The following POLD3 variants were observed in gnomAD, a reference collection of about 807,000 sequenced individuals.
The protein encoded by POLD3 is DNA polymerase delta 3, accessory subunit, also known as DNA polymerase delta subunit 3.
Under a neutral mutation model 58.2 loss-of-function variants are expected in POLD3, and 19 were observed. The observed-to-expected ratio is 0.33, with a 90% CI of 0.23 to 0.48. The LOEUF (loss-of-function observed/expected upper bound fraction) is 0.48, where lower values mean the gene tolerates loss of function less well. Among genes scored for constraint, POLD3 ranks in the 20% least tolerant of loss-of-function variants. The pLI, the probability that POLD3 is intolerant of heterozygous loss-of-function variation, is 0.99. For missense variants in POLD3, 504 were observed against 545.5 expected (o/e 0.92, Z 0.76); for synonymous variants, 172 against 193.5 (o/e 0.89, Z 0.92).
intron 11 of POLD3, 40 bp from the exon 12 acceptor site, chr11:74,640,524 T>C (rs758250781): frequency 2.0e-6 from 3 of 1,466,466 alleles, no homozygotes; most frequent in Non-Finnish European, 2.7e-6. Context: ...GAGTAAATGA[T>C]TCAGCCCACC....
At chr11:74,635,789 A>G (rs911951972) in intron 10 of POLD3, among the ~76,000 whole-genome samples, 3 of 152,228 alleles carry the variant, frequency 2.0e-5, no homozygotes, top group African/African-American at 7.2e-5. Flanking sequence ...TTTAGGGGCC[A>G]TCCCTGTGTA....
At chr11:74,624,090 T>G (rs2032353690) in intron 7 of POLD3, among the ~76,000 whole-genome samples, 1 of 152,210 alleles carries the variant, frequency 6.6e-6, no homozygotes, top group Admixed American at 6.5e-5. Flanking sequence ...ATGATGCAAT[T>G]TTTAAAACAA....
chr11:74,663,907 A>G (rs2033234879), intron 4 of POLD3, among the ~76,000 whole-genome samples: 1 of 152,192 alleles, frequency 6.6e-6, no homozygotes, highest in African/African-American at 2.4e-5. Context: ...TATCCAGTGT[A>G]TATAAAAAAC....
rs1219860476 is a variant in POLD3, at chr11:74,642,353, A to G, written c.*1587A>G. On this transcript the variant is annotated 3_prime_UTR_variant, in exon 12 of 12. Transcript: ENST00000263681. ...AAAAAGGATGGAGAGAAGGATGGAAAGCCTGGACTTAAACCTTTAGAAAAA... is the reference window on the plus strand; with the variant it reads ...AAAAAGGATGGAGAGAAGGATGGAAGGCCTGGACTTAAACCTTTAGAAAAA... 1.0e-6 allele frequency: 1 copy of G among 985,294 alleles called. No homozygotes were observed. The highest frequency in any genetic ancestry group is 1.7e-5 in the African/African-American group (1 of 57,244). 61.0% of individuals were successfully genotyped at this position (985,294 alleles called of 1,614,324 possible).
Position 74,641,854 on chromosome 11 carries a change from A to G in POLD3, c.*1088A>G, listed in dbSNP as rs1421934506. Reference sequence around the variant, plus strand: ...GCTCCCTAAGAGAGGATGGAGAGGGAGAGACTGAATTGTTAGTAGGTCTAA... The same window carrying G: ...GCTCCCTAAGAGAGGATGGAGAGGGGGAGACTGAATTGTTAGTAGGTCTAA... On this transcript the variant is annotated 3_prime_UTR_variant, in exon 12 of 12. Coordinates refer to ENST00000263681, the MANE Select transcript of POLD3 (RefSeq NM_006591.3). 2 of 985,222 alleles carry G rather than the reference A, an allele frequency of 2.0e-6. No homozygotes were observed. The highest frequency in any genetic ancestry group is 1.2e-4 in the Admixed American group (2 of 16,262). The allele number at this position is 985,222 out of a possible 1,614,324, so 61.0% of individuals were successfully genotyped here.
Position 74,634,699 on chromosome 11 carries a change from A to G in POLD3, c.1119+4A>G, listed in dbSNP as rs931632820. ...GCCTGAACCTCCTTCTGTCAAGGTA[A>G]AATTATACTGGGATTCTTGCATGTC... On this transcript the variant is annotated splice_donor_region_variant and intron_variant, in intron 10 of 11. Transcript: ENST00000263681. 6.6e-7 allele frequency: 1 copy of G among 1,515,300 alleles called. No homozygotes were observed. The highest frequency in any genetic ancestry group is 1.4e-5 in the African/African-American group (1 of 72,878). The allele number at this position is 1,515,300 out of a possible 1,614,324, so 93.9% of individuals were successfully genotyped here. A position where few individuals can be genotyped will look rare whatever the true frequency, so the allele number is the denominator to read the frequency against.
Position 74,641,552 on chromosome 11 carries a change from GT to G in POLD3, c.*787del, listed in dbSNP as rs1037712792. On this transcript the variant is annotated 3_prime_UTR_variant, in exon 12 of 12. Coordinates refer to ENST00000263681, the MANE Select transcript of POLD3 (RefSeq NM_006591.3). ...GGAGCTGCCGTGCTGCTGATACGGGGTGTGCTTTATGCTGCTCTTTGCGGTT... is the reference window on the plus strand; with the variant it reads ...GGAGCTGCCGTGCTGCTGATACGGGGGTGCTTTATGCTGCTCTTTGCGGTT... 23 of 985,316 alleles carry G rather than the reference GT, an allele frequency of 2.3e-5. No individual in the cohort carries two copies. The highest frequency in any genetic ancestry group is 1.2e-4 in the Admixed American group (2 of 16,266). The allele number at this position is 985,316 out of a possible 1,614,324, so 61.0% of individuals were successfully genotyped here.
chr11:74,598,016 G>A (rs2031339436), intron 2 of POLD3, among the ~76,000 whole-genome samples: 1 of 152,136 alleles, frequency 6.6e-6, no homozygotes, highest in Non-Finnish European at 1.5e-5. Context: ...GGGAGTTCAA[G>A]GCTGCAGTGA....
chr11:74,631,882 A>G (rs2032603261), intron 9 of POLD3, among the ~76,000 whole-genome samples: 2 of 151,880 alleles, frequency 1.3e-5, no homozygotes, highest in East Asian at 3.9e-4. Context: ...AAGTACCTTC[A>G]ATTTTTTCAG....
chr11:74,609,385 T>A lies in POLD3; in HGVS notation c.220-2114T>A, dbSNP rs1228655858. Among the ~76,000 whole-genome samples the A allele has an allele frequency of 9.3e-3, 256 of 27,382 alleles. 1 individual carries two copies. Among genetic ancestry groups the A allele is most frequent in the African/African-American group, 0.048 (112 of 2,342 alleles). 18.0% of individuals were successfully genotyped at this position (27,382 alleles called of 152,430 possible). A position where few individuals can be genotyped will look rare whatever the true frequency, so the allele number is the denominator to read the frequency against. On this transcript the variant is annotated intron_variant, in intron 3 of 11. Coordinates refer to ENST00000263681, the MANE Select transcript of POLD3 (RefSeq NM_006591.3). ...ATATATATATATATTTTTTTTTTTT[T>A]TTTTTTTTTTTTTGAGATGGACTTT...
chr11:74,623,236 A>G (rs943243018), intron 7 of POLD3, among the ~76,000 whole-genome samples: 1 of 152,102 alleles, frequency 6.6e-6, no homozygotes, highest in Non-Finnish European at 1.5e-5. Context: ...GATCGAGACC[A>G]TCCTGGCTAA....
At chr11:74,639,421 A>G (rs2032846963) in intron 11 of POLD3, among the ~76,000 whole-genome samples, 1 of 152,260 alleles carries the variant, frequency 6.6e-6, no homozygotes, top group African/African-American at 2.4e-5. Flanking sequence ...TTAATGGAAA[A>G]AAAAACCTTT....
chr11:74,669,133 C>G (rs1048400944), downstream of POLD3: 1 of 193,844 alleles, frequency 5.2e-6, no homozygotes, highest in East Asian at 1.7e-4. Flanking sequence ...GGGCAGCTGA[C>G]CTTACTATCA....
intron 4 of POLD3, among the ~76,000 whole-genome samples, chr11:74,661,167 A>G (rs374041845): frequency 1.7e-3 from 261 of 152,166 alleles, no homozygotes; most frequent in African/African-American, 5.9e-3. Flanking sequence ...CTGAAAGGTT[A>G]TATGTCTCTG....
At chr11:74,663,854 A>C (rs1047970587) in intron 4 of POLD3, among the ~76,000 whole-genome samples, 1 of 152,324 alleles carries the variant, frequency 6.6e-6, no homozygotes, top group Admixed American at 6.5e-5. Context: ...CACCATGCAT[A>C]TATCTCTATC....
At chr11:74,610,335 C>G (rs1040905188) in intron 3 of POLD3, among the ~76,000 whole-genome samples, 1 of 151,874 alleles carries the variant, frequency 6.6e-6, no homozygotes, top group Non-Finnish European at 1.5e-5. Context: ...CTCAGCCTCC[C>G]GAGTAGCTGG....
chr11:74,612,878 C>A lies in POLD3; in HGVS notation c.260C>A (p.Ala87Glu), dbSNP rs764442689. ...VAVVREDKLE[A>E]VKSKLAVTAS... ...GACTGCTTTTCCTGTTGACTTGTAG[C>A]AGTGAAGTCCAAGCTAGCTGTGACT... The change falls in exon 5 of 12, where the codon GCA (alanine) becomes GAA (glutamate). Residue 87 changes from alanine to glutamate, a missense_variant and splice_region_variant. Around this residue, in one of 2 missense-constraint regions of POLD3, gnomAD observed 119 missense variants for 175.0 expected, o/e 0.68. Coordinates refer to ENST00000263681, the MANE Select transcript of POLD3 (RefSeq NM_006591.3). The A allele has an allele frequency of 6.2e-7, 1 of 1,606,754 alleles. No homozygotes were observed. The highest frequency in any genetic ancestry group is 1.1e-5 in the South Asian group (1 of 89,444).
intron 4 of POLD3, among the ~76,000 whole-genome samples, chr11:74,664,387 A>G (rs1314263157): frequency 6.6e-6 from 1 of 152,254 alleles, no homozygotes; most frequent in Non-Finnish European, 1.5e-5. Context: ...CAACAGGTGA[A>G]TGGATGAATA....
chr11:74,659,623 TA>T (rs2033181059), intron 4 of POLD3, among the ~76,000 whole-genome samples: 1 of 151,208 alleles, frequency 6.6e-6, no homozygotes, highest in South Asian at 2.1e-4. Context: ...CCAGATACCC[TA>T]AATAATCTCT....
Sources: allele counts gnomAD v4.1 joint callset (sites outside exome capture counted in the v4.1 genomes callset), GRCh38; gene constraint gnomAD v4.1.1; regional missense constraint gnomAD v4.1.1; transcripts MANE v1.5; gene names NCBI Gene and HGNC (gene_info 2026-07-23, HGNC 2026-07-21).